Variants in NPAS4 observed in about 807,000 individuals in gnomAD.
The protein encoded by NPAS4 is neuronal PAS domain-containing protein 4.
In NPAS4, 10 loss-of-function variants were observed where a neutral mutation model predicts 64.0. That is an observed-to-expected ratio of 0.16 (90% CI 0.10 to 0.26). The LOEUF (loss-of-function observed/expected upper bound fraction) is 0.26, where lower values mean the gene tolerates loss of function less well. Among genes scored for constraint, NPAS4 ranks in the 10% least tolerant of loss-of-function variants. NPAS4 has a pLI of 1.00. For synonymous variants in NPAS4, 441 were observed against 411.7 expected (o/e 1.07, Z -0.86); for missense variants, 886 against 992.6 (o/e 0.89, Z 1.44).
At position 66,423,596 on chromosome 11, in the gene NPAS4, T is replaced by G; in HGVS notation, c.827T>G (p.Ile276Ser). 1 of 1,614,106 alleles carries G rather than the reference T, an allele frequency of 6.2e-7. No homozygotes were observed. Among genetic ancestry groups the G allele is most frequent in the Non-Finnish European group, 8.5e-7 (1 of 1,180,018 alleles). ...HYRLLAESGD[I>S]QAEMVVRLQA... ...TCCCCAGTGGCTGAGAGTGGAGATA[T>G]TCAGGCAGAGATGGTGGTGAGGCTA... The change falls in exon 6 of 8, where the codon ATT (isoleucine) becomes AGT (serine). Residue 276 changes from isoleucine to serine, a missense_variant. Ile to Ser is a moderately radical substitution (Grantham distance 142). Transcript: ENST00000311034.
chr11:66,415,665 T>C, the NPAS4 span, among the ~76,000 whole-genome samples: 23 of 152,298 alleles, frequency 1.5e-4, no homozygotes, highest in Admixed American at 4.6e-4. Context: ...TTGCAGTCCA[T>C]AGTTTGTAAA....
upstream of NPAS4, among the ~76,000 whole-genome samples, chr11:66,416,100 T>C (rs1041020405): frequency 3.3e-5 from 5 of 151,782 alleles, no homozygotes; most frequent in African/African-American, 1.2e-4. Flanking sequence ...AGACTGTATA[T>C]AAATAACAAT....
In NPAS4 at chr11:66,424,935, T is replaced by A; in HGVS notation, c.2045T>A (p.Leu682His). Residue 682 changes from leucine (L) to histidine (H), a missense_variant, in exon 7 of 8, where the codon CTC (leucine) becomes CAC (histidine). By Grantham distance (99) the Leu-to-His change is moderately conservative. Coordinates refer to ENST00000311034, the MANE Select transcript of NPAS4 (RefSeq NM_178864.4). ...LSLSGAGPPV[L>H]SLDLKPWKCQ... Reference sequence around the variant, plus strand: ...CTGTCAGGGGCAGGCCCCCCTGTGCTCAGCCTGGACCTGAAACCCTGGAAA... The same window carrying A: ...CTGTCAGGGGCAGGCCCCCCTGTGCACAGCCTGGACCTGAAACCCTGGAAA... 1 of 1,614,054 alleles carries A rather than the reference T, an allele frequency of 6.2e-7. No individual in the cohort carries two copies. Among genetic ancestry groups the A allele is most frequent in the Non-Finnish European group, 8.5e-7 (1 of 1,180,008 alleles).
upstream of NPAS4, among the ~76,000 whole-genome samples, chr11:66,416,588 T>C (rs968005404): frequency 2.0e-5 from 3 of 152,202 alleles, no homozygotes; most frequent in East Asian, 1.9e-4. Context: ...TGTGGTCTCA[T>C]TGGTAACTTG....
chr11:66,423,744 G>A (rs1174339999), intron 6 of NPAS4, 31 bp downstream of exon 6: 1 of 1,613,440 alleles, frequency 6.2e-7, no homozygotes. Flanking sequence ...CTAGGGGGCA[G>A]CTGAGGTCGT....
upstream of NPAS4, chr11:66,417,109 A>G (rs1249835574): frequency 1.3e-5 from 2 of 152,064 alleles, no homozygotes; most frequent in East Asian, 3.9e-4. Flanking sequence ...TAATAAAGAA[A>G]GGAATCAGCC....
At position 66,421,047 on chromosome 11, in the gene NPAS4, C is replaced by G. The variant is rs569180529; in HGVS notation, c.-133C>G. 1.2e-5 allele frequency: 9 copies of G among 756,340 alleles called. No individual in the cohort carries two copies. Among genetic ancestry groups the G allele is most frequent in the East Asian group, 2.7e-5 (1 of 36,908 alleles). 46.9% of individuals were successfully genotyped at this position (756,340 alleles called of 1,614,324 possible). ...AGGCAGGCGAGGGGGGCAGCGCAGC[C>G]GAGCGGAGCCCAGGAGAGCAGAGAG... is the stretch of plus-strand genomic sequence containing the variant. On this transcript the variant is annotated 5_prime_UTR_variant, in exon 1 of 8. Transcript: ENST00000311034.
rs1201413962 is a variant in NPAS4, at chr11:66,422,667, T to A, written c.431-7T>A. The stretch of plus-strand genomic sequence containing the variant: ...CCTCTTATCTGTTTTTCTCTTCATC[T>A]ATCTAGATCGCCTCTTCCGCTGCCG... On this transcript the variant is annotated splice_polypyrimidine_tract_variant and splice_region_variant and intron_variant, in intron 3 of 7. Coordinates refer to ENST00000311034, the MANE Select transcript of NPAS4 (RefSeq NM_178864.4). The A allele has an allele frequency of 6.2e-7, 1 of 1,613,638 alleles. No homozygotes were observed. Among genetic ancestry groups the A allele is most frequent in the Non-Finnish European group, 8.5e-7 (1 of 1,179,690 alleles).
rs755330363 is a variant in NPAS4 at position 66,422,733 on chromosome 11, A to C, written c.490A>C (p.Asn164His). 1 of 1,614,170 alleles carries C rather than the reference A, an allele frequency of 6.2e-7. No individual in the cohort carries two copies. Among genetic ancestry groups the C allele is most frequent in the South Asian group, 1.1e-5 (1 of 91,086 alleles). Residue 164 changes from asparagine to histidine, a missense_variant, in exon 4 of 8, where the codon AAC becomes CAC. By Grantham distance (68) the Asn-to-His change is moderately conservative (BLOSUM62 1). Around this residue, in one of 3 missense-constraint regions of NPAS4, gnomAD observed 820 missense variants for 855.5 expected, o/e 0.96. Coordinates refer to ENST00000311034, the MANE Select transcript of NPAS4 (RefSeq NM_178864.4). ...GTCCCTCAGGCGCCAGAGTGCAGGCAACAAACTCGTGCTTATTCGAGGCCG... is the reference window on the plus strand; with the variant it reads ...GTCCCTCAGGCGCCAGAGTGCAGGCCACAAACTCGTGCTTATTCGAGGCCG... The part of the protein sequence containing the change: ...SKSLRRQSAG[N>H]KLVLIRGRFH...
At chr11:66,419,375 A>T (rs537497833), upstream of NPAS4, among the ~76,000 whole-genome samples, 19 of 151,836 alleles carry the variant, frequency 1.3e-4, no homozygotes, top group South Asian at 4.0e-3. Flanking sequence ...CTCCCACTCT[A>T]CCTCTCTTAC....
chr11:66,414,100 C>G, the NPAS4 span, among the ~76,000 whole-genome samples: 22 of 152,264 alleles, frequency 1.4e-4, no homozygotes, highest in African/African-American at 5.3e-4. Context: ...AGGGACAATG[C>G]AGGGTGCAGA....
rs752443473 is a variant in NPAS4, at chr11:66,426,006, ACGT to A, written c.*22_*24del. ...ACGTTTTGAATAAGTCTGTGACTTA[ACGT>A]CGTCAAGTATGGCATATTGTCATCA... On this transcript the variant is annotated 3_prime_UTR_variant, in exon 8 of 8. Transcript: ENST00000311034. 2.7e-5 allele frequency: 44 copies of A among 1,601,022 alleles called. No individual in the cohort carries two copies. Among genetic ancestry groups the A allele is most frequent in the Non-Finnish European group, 3.5e-5 (41 of 1,168,396 alleles).
chr11:66,416,212 C>G (rs1677263232), upstream of NPAS4, among the ~76,000 whole-genome samples: 1 of 152,270 alleles, frequency 6.6e-6, no homozygotes, highest in Admixed American at 6.5e-5. Flanking sequence ...GGATTTGCAC[C>G]CACTGCCCAT....
At chr11:66,416,959 C>G (rs1856678794), upstream of NPAS4, 1 of 152,180 alleles carries the variant, frequency 6.6e-6, no homozygotes, top group African/African-American at 2.4e-5. Flanking sequence ...CTCCAAATCT[C>G]TGGAAAAGAT....
chr11:66,426,093 G>T lies in NPAS4; in HGVS notation c.*104G>T. On this transcript the variant is annotated 3_prime_UTR_variant, in exon 8 of 8. Transcript: ENST00000311034. ...GTTGGGGGGATTCTGAGGGCCAGAG[G>T]GGGATATATATGATTCCCCAGGCCC... is the stretch of plus-strand genomic sequence containing the variant. 2 of 856,506 alleles carry T rather than the reference G, an allele frequency of 2.3e-6. No individual in the cohort carries two copies. Among genetic ancestry groups the T allele is most frequent in the Non-Finnish European group, 4.0e-6 (2 of 503,186 alleles). The allele number at this position is 856,506 out of a possible 1,614,324, so 53.1% of individuals were successfully genotyped here.
the NPAS4 span, among the ~76,000 whole-genome samples, chr11:66,411,796 C>A: frequency 6.6e-6 from 1 of 152,240 alleles, no homozygotes; most frequent in Non-Finnish European, 1.5e-5. Flanking sequence ...CTCTTTGTTG[C>A]CCCTCGGCCC....
chr11:66,417,736 A>G (rs1856686998), upstream of NPAS4, among the ~76,000 whole-genome samples: 1 of 152,186 alleles, frequency 6.6e-6, no homozygotes, highest in Non-Finnish European at 1.5e-5. Flanking sequence ...CACTGACAGA[A>G]AGGCATATGG....
intron 5 of NPAS4, 170 bp downstream of exon 5, chr11:66,423,402 C>A: frequency 1.2e-6 from 1 of 840,456 alleles, no homozygotes. Flanking sequence ...ATAATCAAAT[C>A]AGAACTGGGG....
At chr11:66,419,704 G>A (rs1488712869), upstream of NPAS4, among the ~76,000 whole-genome samples, 2 of 151,766 alleles carry the variant, frequency 1.3e-5, no homozygotes, top group Non-Finnish European at 2.9e-5. Flanking sequence ...GTGTGGGGGG[G>A]TGGGGATAGG....
Sources: gnomAD v4.1 joint callset for allele counts (sites outside exome capture counted in the v4.1 genomes callset) on GRCh38, gnomAD v4.1.1 for gene constraint, gnomAD v4.1.1 regional missense constraint, MANE v1.5 for transcripts, NCBI Gene and HGNC (gene_info 2026-07-23, HGNC 2026-07-21) for gene names.